The following DLGAP1 variants were observed in gnomAD, a reference collection of about 807,000 sequenced individuals.
The protein encoded by DLGAP1 is disks large-associated protein 1.
A neutral mutation model predicts 90.8 loss-of-function variants in DLGAP1; 11 were observed. The observed-to-expected ratio is 0.12, with a 90% confidence interval of 0.08 to 0.20. DLGAP1 has a LOEUF of 0.20. DLGAP1 is among the 10% of genes least tolerant of loss of function. DLGAP1 has a pLI of 1.00. For synonymous variants in DLGAP1, 558 were observed against 540.7 expected (o/e 1.03, Z -0.44); for missense variants, 1,050 against 1,333.8 (o/e 0.79, Z 3.31).
chr18:3,612,426 A>G (rs949549749), intron 7 of DLGAP1, among the ~76,000 whole-genome samples: 1 of 152,226 alleles, frequency 6.6e-6, no homozygotes, highest in Non-Finnish European at 1.5e-5. Flanking sequence ...CAGTTCCATA[A>G]GGGGAATCCC....
intron 5 of DLGAP1, among the ~76,000 whole-genome samples, chr18:3,792,716 T>C (rs1326030544): frequency 6.6e-6 from 1 of 152,158 alleles, no homozygotes; most frequent in African/African-American, 2.4e-5. Context: ...GCCAGCTTCT[T>C]TGGGCACCTG....
chr18:4,337,198 T>TTC (rs1555784372), intron 1 of DLGAP1, among the ~76,000 whole-genome samples: 2 of 147,318 alleles, frequency 1.4e-5, no homozygotes, highest in African/African-American at 4.9e-5. Flanking sequence ...GTTGGCTTTT[T>TTC]TTTTTTTTTT....
chr18:4,405,070 T>C (rs2082634854), intron 1 of DLGAP1, among the ~76,000 whole-genome samples: 1 of 152,214 alleles, frequency 6.6e-6, no homozygotes, highest in Non-Finnish European at 1.5e-5. Context: ...TACATTCAAT[T>C]ACACACAGTT....
intron 2 of DLGAP1, among the ~76,000 whole-genome samples, chr18:4,093,884 C>A (rs2075629013): frequency 6.6e-6 from 1 of 152,176 alleles, no homozygotes; most frequent in African/African-American, 2.4e-5. Context: ...TCTTCTCTCC[C>A]TCACGCTTTT....
chr18:4,017,134 T>C (rs1023263521), intron 2 of DLGAP1, among the ~76,000 whole-genome samples: 1 of 152,208 alleles, frequency 6.6e-6, no homozygotes, highest in Non-Finnish European at 1.5e-5. Context: ...TTATGTGTTC[T>C]TAGAACAGGA....
intron 1 of DLGAP1, among the ~76,000 whole-genome samples, chr18:4,363,248 T>A (rs2081669677): frequency 6.6e-6 from 1 of 152,104 alleles, no homozygotes; most frequent in Non-Finnish European, 1.5e-5. Flanking sequence ...GCCCGGGCTA[T>A]CCACACATCC....
chr18:3,684,798 C>T (rs1372545252), intron 7 of DLGAP1, among the ~76,000 whole-genome samples: 1 of 152,092 alleles, frequency 6.6e-6, no homozygotes, highest in Admixed American at 6.5e-5. Flanking sequence ...ACTTAGACCA[C>T]ACCTGTATGT....
At chr18:4,306,033 TACACACACACACACAC>T (rs3041181) in intron 1 of DLGAP1, among the ~76,000 whole-genome samples, 4 of 142,196 alleles carry the variant, frequency 2.8e-5, no homozygotes, top group South Asian at 2.3e-4. Flanking sequence ...CACACACAAA[TACACACACACACACAC>T]ACACACACAC....
In DLGAP1 at chr18:4,411,804, G is replaced by A. The variant is rs1012521821; in HGVS notation, c.-267+43202C>T. On this transcript the variant is annotated intron_variant, in intron 1 of 12. Transcript: ENST00000315677. ...TTCATGTGACCTCTTCATGTTGCTC[G>A]GGCACCTAACAGCATGATGGCTGGG... Among the ~76,000 whole-genome samples, 3 of 152,188 alleles carry A rather than the reference G, an allele frequency of 2.0e-5. No individual in the cohort carries two copies. The South Asian group carries it at 6.2e-4, about 32-fold the overall frequency.
intron 4 of DLGAP1, among the ~76,000 whole-genome samples, chr18:3,821,737 GGCTT>G (rs1215950141): frequency 6.6e-6 from 1 of 152,180 alleles, no homozygotes; most frequent in African/African-American, 2.4e-5. Context: ...CTTTAAGGGT[GGCTT>G]GGGAGCCTTG....
At chr18:3,586,205 TC>T (rs531654738) in intron 7 of DLGAP1, among the ~76,000 whole-genome samples, 4 of 151,214 alleles carry the variant, frequency 2.6e-5, no homozygotes, top group South Asian at 4.2e-4. Flanking sequence ...GATTTTGAGA[TC>T]CCCCCCAACT....
intron 2 of DLGAP1, among the ~76,000 whole-genome samples, chr18:4,095,293 G>C (rs2075658588): frequency 6.6e-6 from 1 of 152,072 alleles, no homozygotes; most frequent in Admixed American, 6.5e-5. Flanking sequence ...AGAGACACTG[G>C]CCACCTTCCC....
intron 7 of DLGAP1, among the ~76,000 whole-genome samples, chr18:3,659,392 T>TAC (rs1491197412): frequency 2.8e-5 from 2 of 70,266 alleles, no homozygotes; most frequent in South Asian, 5.3e-4. Flanking sequence ...CACATACATT[T>TAC]ATACACACAC....
intron 4 of DLGAP1, among the ~76,000 whole-genome samples, chr18:3,859,601 G>A (rs2069898692): frequency 6.6e-6 from 1 of 152,204 alleles, no homozygotes; most frequent in African/African-American, 2.4e-5. Context: ...CACAGACACA[G>A]ATCAGGGTGA....
intron 7 of DLGAP1, among the ~76,000 whole-genome samples, chr18:3,707,712 C>T (rs1265187677): frequency 1.3e-5 from 2 of 152,068 alleles, no homozygotes; most frequent in Admixed American, 6.5e-5. Context: ...TGTTTTCCTG[C>T]ATTGGTGCTG....
intron 2 of DLGAP1, chr18:4,013,626 T>A (rs966860262): frequency 5.3e-5 from 8 of 152,220 alleles, no homozygotes; most frequent in African/African-American, 1.9e-4. Context: ...CAGTGCAGGT[T>A]TCTCATACTT....
In DLGAP1 at chr18:3,915,527, G is replaced by A. The variant is rs549325174; in HGVS notation, c.-72-35387C>T. 2.0e-5 allele frequency among the ~76,000 whole-genome samples: 3 copies of A among 152,274 alleles called. No individual in the cohort carries two copies. In the South Asian group the frequency reaches 6.2e-4, roughly 32 times the overall value. ...AGCTGCTAATTGCAACTTAAAAAGGGCATTTAGAACCTAATTCCAAACATA... is the reference window on the plus strand; with the variant it reads ...AGCTGCTAATTGCAACTTAAAAAGGACATTTAGAACCTAATTCCAAACATA... On this transcript the variant is annotated intron_variant, in intron 3 of 12. Transcript: ENST00000315677.
chr18:4,300,586 T>C (rs1226900284), intron 1 of DLGAP1, among the ~76,000 whole-genome samples: 4 of 152,196 alleles, frequency 2.6e-5, no homozygotes, highest in African/African-American at 9.6e-5. Flanking sequence ...AATAATAGTT[T>C]AGACTTGATT....
intron 7 of DLGAP1, among the ~76,000 whole-genome samples, chr18:3,676,713 T>A (rs1035139156): frequency 6.6e-6 from 1 of 151,828 alleles, no homozygotes; most frequent in Non-Finnish European, 1.5e-5. Context: ...TTAGAAGAAA[T>A]TGTGAGGTCA....
Sources: allele counts gnomAD v4.1 joint callset (sites outside exome capture counted in the v4.1 genomes callset), GRCh38; gene constraint gnomAD v4.1.1; transcripts MANE v1.5; gene names NCBI Gene and HGNC (gene_info 2026-07-23, HGNC 2026-07-21).